Variants in CFAP46 observed in about 807,000 individuals in gnomAD.
The protein encoded by CFAP46 is cilia and flagella associated protein 46, also known as cilia- and flagella-associated protein 46.
A neutral mutation model predicts 325.7 loss-of-function variants in CFAP46; 245 were observed. That is an observed-to-expected ratio of 0.75 (90% confidence interval 0.68 to 0.84). The LOEUF is 0.84. Ranked by LOEUF, CFAP46 falls within the 40% of genes least tolerant of loss-of-function variation. The pLI is 0.00. For synonymous variants in CFAP46, 1,523 were observed against 1,495.9 expected (o/e 1.02, Z -0.42); for missense variants, 3,346 against 3,543.0 (o/e 0.94, Z 1.41).
At position 132,937,655 on chromosome 10, in the gene CFAP46, A is replaced by G. The variant is rs776052394; in HGVS notation, c.557T>C (p.Leu186Pro). ...AGCCTCCTCCTTTCTTCCGGCTTGCAGATAACACTCCAGAAGTTCCCTGGA... is the reference window on the plus strand; with the variant it reads ...AGCCTCCTCCTTTCTTCCGGCTTGCGGATAACACTCCAGAAGTTCCCTGGA... ...ELMLELLECY[L>P]QAGRKEEAAR... Residue 186 changes from leucine (L) to proline (P), a missense_variant, in exon 6 of 58, where the codon CTG (leucine) becomes CCG (proline). Transcript: ENST00000368586. 1 of 1,611,504 alleles carries G rather than the reference A, an allele frequency of 6.2e-7. No individual in the cohort carries two copies. The highest frequency in any genetic ancestry group is 1.1e-5 in the South Asian group (1 of 90,558).
rs1252529357 is a variant in CFAP46 at position 132,919,647 on chromosome 10, CAGCT to C, written c.1731-209_1731-206del. Among the ~76,000 whole-genome samples the C allele has an allele frequency of 1.3e-5, 2 of 152,122 alleles. No homozygotes were observed. Among genetic ancestry groups the C allele is most frequent in the Non-Finnish European group, 2.9e-5 (2 of 68,018 alleles). On this transcript the variant is annotated intron_variant, in intron 14 of 57. Transcript: ENST00000368586. This position sits in a 1 kb window ranked among gnomAD's most constrained non-coding sequence, Gnocchi z 9.7. ...GCAGCTCTCCGCTCTCCCTGCCAGC[CAGCT>C]GTGCGCGGCACCTCCCTTCCCTGTG...
intron 37 of CFAP46, 79 bp from the exon 38 acceptor site, chr10:132,859,326 C>G: frequency 7.7e-7 from 1 of 1,300,812 alleles, no homozygotes; most frequent in Non-Finnish European, 1.0e-6. Flanking sequence ...TGCCGCTGTT[C>G]TCCCCGGTGT....
intron 8 of CFAP46, among the ~76,000 whole-genome samples, chr10:132,934,437 A>G (rs1849960460): frequency 6.6e-6 from 1 of 152,242 alleles, no homozygotes; most frequent in Non-Finnish European, 1.5e-5. Context: ...AAAAGGCTCC[A>G]GAGAAACCTG....
In CFAP46 at chr10:132,889,719, G is replaced by A. The variant is rs572859632; in HGVS notation, c.3304+2614C>T. Among the ~76,000 whole-genome samples, 39 of 152,260 alleles carry A rather than the reference G, an allele frequency of 2.6e-4. No individual in the cohort carries two copies. Among genetic ancestry groups the A allele is most frequent in the African/African-American group, 7.2e-4 (30 of 41,556 alleles). ...CACCCCTCATGCATTCCTGTGGACC[G>A]TCTCCTCCTCCCCGGAGGCCGTCAG... On this transcript the variant is annotated intron_variant, in intron 25 of 57. Transcript: ENST00000368586. The surrounding 1 kb of genome is among the most constrained non-coding windows in gnomAD (Gnocchi z 6.0).
intron 27 of CFAP46, among the ~76,000 whole-genome samples, chr10:132,881,834 C>T (rs146722686): frequency 6.6e-6 from 1 of 152,272 alleles, no homozygotes; most frequent in East Asian, 1.9e-4. Context: ...ATCTGTGGCT[C>T]TCTGAGCGCT....
At chr10:132,940,975 G>A (rs1347306761) in intron 4 of CFAP46, 21 bp downstream of exon 4, 12 of 1,612,678 alleles carry the variant, frequency 7.4e-6, no homozygotes, top group South Asian at 6.6e-5. Flanking sequence ...AGTGAGAAAC[G>A]GCCACTTCAA....
At chr10:132,888,809 T>A in intron 25 of CFAP46, among the ~76,000 whole-genome samples, 1 of 34,468 alleles carries the variant, frequency 2.9e-5, no homozygotes, top group Non-Finnish European at 5.8e-5. Flanking sequence ...CCTGCCACCT[T>A]CACCCCTGCC....
chr10:132,859,136 CTT>C lies in CFAP46; in HGVS notation c.5308_5309del (p.Lys1770ValfsTer12). ...TCTCTTTGCAGCCACAGTCGATAAA[CTT>C]TCTCTCAATTTCCAACAGGCCATCA... ...MDDGLLEIER[K>X]FIDCGCKENC... On this transcript the variant is annotated frameshift_variant, in exon 38 of 58. Transcript: ENST00000368586. LOFTEE classifies it high-confidence loss of function. The C allele has an allele frequency of 6.4e-7, 1 of 1,551,010 alleles. No individual in the cohort carries two copies. Among genetic ancestry groups the C allele is most frequent in the Non-Finnish European group, 8.7e-7 (1 of 1,147,078 alleles).
intron 35 of CFAP46, among the ~76,000 whole-genome samples, chr10:132,865,380 C>A (rs780432742): frequency 9.9e-5 from 15 of 151,796 alleles, no homozygotes; most frequent in Non-Finnish European, 2.2e-4. Flanking sequence ...CAGGGCCAGT[C>A]CCAGGAGGAG....
chr10:132,820,711 TGC>T (rs35842288), intron 50 of CFAP46, among the ~76,000 whole-genome samples: 1 of 79,610 alleles, frequency 1.3e-5, no homozygotes. Flanking sequence ...GTGCTGTGTG[TGC>T]GCTGATGTGT....
intron 44 of CFAP46, among the ~76,000 whole-genome samples, chr10:132,837,615 GTACACAGACATGCACGGACA>G (rs1848278978): frequency 1.3e-5 from 1 of 74,748 alleles, no homozygotes; most frequent in Non-Finnish European, 2.6e-5. Context: ...ACACGCACAC[GTACACAGACATGCACGGACA>G]CACACGCACA....
intron 50 of CFAP46, among the ~76,000 whole-genome samples, chr10:132,823,727 CTGA>C (rs1351069463): frequency 1.1e-4 from 13 of 115,742 alleles, no homozygotes; most frequent in Non-Finnish European, 1.2e-4. Flanking sequence ...GTGCTGTGTG[CTGA>C]TGTGTGCTGT....
At chr10:132,838,376 G>C (rs1848300060) in intron 44 of CFAP46, among the ~76,000 whole-genome samples, 1 of 152,270 alleles carries the variant, frequency 6.6e-6, no homozygotes, top group South Asian at 2.1e-4. Context: ...AGAAAGTGGC[G>C]TAAAAGCCCA....
At chr10:132,859,745 A>G (rs1848697812) in intron 37 of CFAP46, among the ~76,000 whole-genome samples, 1 of 152,214 alleles carries the variant, frequency 6.6e-6, no homozygotes, top group Non-Finnish European at 1.5e-5. Context: ...ACACAAGGAA[A>G]GCCTGAGTCA....
Position 132,939,515 on chromosome 10 carries a change from GC to G in CFAP46, c.372-763del, listed in dbSNP as rs930232798. ...CTGTGTGCCTTGTGGTCCTGGGCCG[GC>G]CACCAGGTGGACCAGCACTGCTCAA... On this transcript the variant is annotated intron_variant, in intron 4 of 57. Coordinates refer to ENST00000368586, the MANE Select transcript of CFAP46 (RefSeq NM_001200049.3). The surrounding 1 kb of genome is among the most constrained non-coding windows in gnomAD (Gnocchi z 4.6). Among the ~76,000 whole-genome samples, 7 of 152,162 alleles carry G rather than the reference GC, an allele frequency of 4.6e-5. No individual in the cohort carries two copies. The highest frequency in any genetic ancestry group is 8.8e-5 in the Non-Finnish European group (6 of 68,026).
Position 132,814,191 on chromosome 10 carries a change from G to A in CFAP46, c.7349C>T (p.Ser2450Leu), listed in dbSNP as rs750048790. The A allele has an allele frequency of 3.3e-5, 54 of 1,613,824 alleles. No homozygotes were observed. The highest frequency in any genetic ancestry group is 4.1e-5 in the Non-Finnish European group (48 of 1,180,010). The change falls in exon 54 of 58, where the codon TCG becomes TTG. Residue 2450 changes from serine to leucine, a missense_variant. Ser to Leu is a moderately radical substitution (Grantham distance 145). Transcript: ENST00000368586. ...GCTTCCCAGATGTCCCGCCCATCGCGACGTGAATGTGTCTTGGAATCTTTC... is the reference window on the plus strand; with the variant it reads ...GCTTCCCAGATGTCCCGCCCATCGCAACGTGAATGTGTCTTGGAATCTTTC... The part of the protein sequence containing the change: ...ILERFQDTFT[S>L]RWAGHLGSKH...
intron 44 of CFAP46, among the ~76,000 whole-genome samples, chr10:132,837,937 G>GGACACAGACACGCACATGTACACA (rs1848292198): frequency 6.7e-6 from 1 of 149,328 alleles, no homozygotes. Context: ...AGACATGCAC[G>GGACACAGACACGCACATGTACACA]GACACAGACA....
chr10:132,885,805 T>TGGGGGGAGCACTCACAGGCGGG lies in CFAP46; in HGVS notation c.3443+15_3443+16insCCCGCCTGTGAGTGCTCCCCCC. On this transcript the variant is annotated intron_variant, in intron 26 of 57. Coordinates refer to ENST00000368586, the MANE Select transcript of CFAP46 (RefSeq NM_001200049.3). ...CGGTGGAGGGAGCACTCACAGGCGG[T>TGGGGGGAGCACTCACAGGCGGG]GGGGGGAGCACTCACAGGCGGTGGG... 6.7e-7 allele frequency: 1 copy of TGGGGGGAGCACTCACAGGCGGG among 1,501,516 alleles called. No homozygotes were observed. Among genetic ancestry groups the TGGGGGGAGCACTCACAGGCGGG allele is most frequent in the Non-Finnish European group, 8.9e-7 (1 of 1,127,868 alleles). 93.0% of individuals were successfully genotyped at this position (1,501,516 alleles called of 1,614,324 possible). A position where few individuals can be genotyped will look rare whatever the true frequency, so the allele number is the denominator to read the frequency against.
intron 39 of CFAP46, among the ~76,000 whole-genome samples, chr10:132,852,011 C>G (rs1209791872): frequency 2.0e-5 from 3 of 152,072 alleles, no homozygotes; most frequent in African/African-American, 7.2e-5. Context: ...GTATGTTCCT[C>G]CATTTACTTA....
Sources: allele counts gnomAD v4.1 joint callset (sites outside exome capture counted in the v4.1 genomes callset), GRCh38; gene constraint gnomAD v4.1.1; non-coding constraint Gnocchi (gnomAD v3.1); transcripts MANE v1.5; gene names NCBI Gene and HGNC (gene_info 2026-07-23, HGNC 2026-07-21).